The following ADGRA3 variants were observed in gnomAD, a reference collection of about 807,000 sequenced individuals.
ADGRA3 encodes the protein adhesion G protein-coupled receptor A3, also known as G-protein coupled receptor 125.
In ADGRA3, 56 loss-of-function variants were observed where a neutral mutation model predicts 119.8. That is an observed-to-expected ratio of 0.47 (90% CI 0.38 to 0.58). The LOEUF (loss-of-function observed/expected upper bound fraction) is 0.58, where lower values mean the gene tolerates loss of function less well. ADGRA3 is among the 20% of genes least tolerant of loss of function. ADGRA3 has a pLI of 0.00. For missense variants in ADGRA3, 1,516 were observed against 1,649.0 expected, an observed-to-expected ratio of 0.92 and a Z score of 1.40; for synonymous variants, 607 against 623.8, an observed-to-expected ratio of 0.97 and a Z score of 0.40.
chr4:22,454,901 T>G lies in ADGRA3; in HGVS notation c.438A>C (p.Ala146=). 1.2e-6 allele frequency: 2 copies of G among 1,613,848 alleles called. No individual in the cohort carries two copies. The highest frequency in any genetic ancestry group is 8.5e-7 in the Non-Finnish European group (1 of 1,179,746). Residue 146 remains alanine, a synonymous_variant, in exon 4 of 19, where the codon GCA becomes GCC. Coordinates refer to ENST00000334304, the MANE Select transcript of ADGRA3 (RefSeq NM_145290.4). The part of the protein sequence containing the change: ...LTNNRIGCLN[A]DIFRGLTNLV... ...GATTGGTGAGTCCTCGAAATATGTCTGCATTCAGACATCCTATTCGATTGT... is the reference window on the plus strand; with the variant it reads ...GATTGGTGAGTCCTCGAAATATGTCGGCATTCAGACATCCTATTCGATTGT...
At chr4:22,438,991 T>C (rs1716507373) in intron 7 of ADGRA3, among the ~76,000 whole-genome samples, 1 of 151,804 alleles carries the variant, frequency 6.6e-6, no homozygotes, top group Admixed American at 6.6e-5. Context: ...ACAGAGCAAG[T>C]CTCTGTTTCA....
In ADGRA3 at chr4:22,390,373, TATATATAATACGTATTATA is replaced by T. The variant is rs1560292258; in HGVS notation, c.2628-1209_2628-1191del. ...TTATATATATATAATACGTATTATA[TATATATAATACGTATTATA>T]TATATATATAAAATACGTATTATAT... On this transcript the variant is annotated intron_variant, in intron 17 of 18. Transcript: ENST00000334304. Among the ~76,000 whole-genome samples, 61 of 31,304 alleles carry T rather than the reference TATATATAATACGTATTATA, an allele frequency of 1.9e-3. 6 individuals are homozygous for T. The highest frequency in any genetic ancestry group is 2.8e-3 in the African/African-American group (57 of 20,294). The allele number at this position is 31,304 out of a possible 152,430, so 20.5% of individuals were successfully genotyped here. A position where few individuals can be genotyped will look rare whatever the true frequency, so the allele number is the denominator to read the frequency against.
At chr4:22,471,897 G>A (rs547025763) in intron 2 of ADGRA3, among the ~76,000 whole-genome samples, 9 of 152,262 alleles carry the variant, frequency 5.9e-5, no homozygotes, top group African/African-American at 1.9e-4. Flanking sequence ...AACATGTACA[G>A]AGATTTGTTA....
chr4:22,420,586 A>T, intron 12 of ADGRA3: 1 of 452,080 alleles, frequency 2.2e-6, no homozygotes, highest in Non-Finnish European at 3.9e-6. Context: ...CTTTTAAGTC[A>T]AATAAGATTT....
intron 16 of ADGRA3, 81 bp downstream of exon 16, chr4:22,401,350 T>G: frequency 7.9e-7 from 1 of 1,261,646 alleles, no homozygotes; most frequent in East Asian, 2.5e-5. Context: ...TATTAAAGAA[T>G]GATTTTTTCT....
rs1172049670 is a variant in ADGRA3 at position 22,388,268 on chromosome 4, TGGA to T, written c.3400_3402del (p.Ser1134del). On this transcript the variant is annotated inframe_deletion, in exon 19 of 19. Coordinates refer to ENST00000334304, the MANE Select transcript of ADGRA3 (RefSeq NM_145290.4). ...GTCAGACTATTATCAAGCTGAGGGG[TGGA>T]GTTCAAAGGTAAAGAATTGGCATGG... 1 of 1,613,896 alleles carries T rather than the reference TGGA, an allele frequency of 6.2e-7. No homozygotes were observed. The highest frequency in any genetic ancestry group is 1.7e-5 in the Admixed American group (1 of 59,992).
chr4:22,506,773 A>G (rs2109180705), intron 1 of ADGRA3, among the ~76,000 whole-genome samples: 1 of 152,258 alleles, frequency 6.6e-6, no homozygotes, highest in East Asian at 1.9e-4. Flanking sequence ...CTTGGGAGGA[A>G]TAGTGTACTT....
intron 3 of ADGRA3, among the ~76,000 whole-genome samples, chr4:22,458,341 C>T (rs1457505483): frequency 6.6e-6 from 1 of 152,178 alleles, no homozygotes; most frequent in Admixed American, 6.5e-5. Flanking sequence ...GGAGGTGCAG[C>T]CTGTTTACGG....
chr4:22,392,399 G>A (rs909754330), intron 17 of ADGRA3, 146 bp downstream of exon 17: 2 of 836,628 alleles, frequency 2.4e-6, no homozygotes, highest in Non-Finnish European at 3.8e-6. Context: ...CGGGAAGGAT[G>A]CCTGAGCCAT....
chr4:22,491,033 A>T (rs1381457609), intron 1 of ADGRA3, among the ~76,000 whole-genome samples: 2 of 152,186 alleles, frequency 1.3e-5, no homozygotes, highest in Non-Finnish European at 2.9e-5. Flanking sequence ...AGTGGTCAGA[A>T]AAAGACAGGC....
At chr4:22,502,356 A>G (rs1486126162) in intron 1 of ADGRA3, among the ~76,000 whole-genome samples, 2 of 152,220 alleles carry the variant, frequency 1.3e-5, no homozygotes, top group East Asian at 3.9e-4. Flanking sequence ...ATGGGACAGA[A>G]GATGGCGGTA....
intron 1 of ADGRA3, among the ~76,000 whole-genome samples, chr4:22,476,841 A>T: frequency 6.6e-6 from 1 of 151,800 alleles, no homozygotes; most frequent in Non-Finnish European, 1.5e-5. Context: ...TAATTTTTGT[A>T]TTTTTAGTAG....
intron 6 of ADGRA3, 57 bp from the exon 7 acceptor site, chr4:22,442,920 T>C: frequency 7.8e-7 from 1 of 1,275,174 alleles, no homozygotes; most frequent in Admixed American, 1.9e-5. Flanking sequence ...ACACCATAAT[T>C]AAAAGTTACA....
In ADGRA3 at chr4:22,388,312, G is replaced by A. The variant is rs764835658; in HGVS notation, c.3359C>T (p.Ala1120Val). Residue 1120 changes from alanine to valine, a missense_variant, in exon 19 of 19, where the codon GCG (alanine) becomes GTG (valine). Transcript: ENST00000334304. ...SQGCKLTNLQ[A>V]AAAQCHANSL... ...ATTGGCATGGCACTGAGCTGCAGCC[G>A]CCTGCAAGTTTGTTAATTTGCAGCC... 7.4e-5 allele frequency: 120 copies of A among 1,613,912 alleles called. No homozygotes were observed. The highest frequency in any genetic ancestry group is 9.7e-5 in the Non-Finnish European group (115 of 1,180,000).
chr4:22,448,991 C>T (rs964166865), intron 4 of ADGRA3, among the ~76,000 whole-genome samples: 10 of 152,062 alleles, frequency 6.6e-5, no homozygotes, highest in Non-Finnish European at 5.9e-5. Flanking sequence ...TCATTTTGGC[C>T]GGGTGCAGTG....
At chr4:22,492,345 G>C (rs897927011) in intron 1 of ADGRA3, among the ~76,000 whole-genome samples, 8 of 152,136 alleles carry the variant, frequency 5.3e-5, no homozygotes, top group African/African-American at 1.9e-4. Context: ...TTAATAGTTT[G>C]CACAATGGTT....
intron 17 of ADGRA3, among the ~76,000 whole-genome samples, chr4:22,391,595 GA>G (rs1714137718): frequency 6.6e-6 from 1 of 152,072 alleles, no homozygotes; most frequent in Non-Finnish European, 1.5e-5. Flanking sequence ...TAGGAATTCT[GA>G]TTTATACTCC....
In ADGRA3 at chr4:22,491,599, C is replaced by T. The variant is rs547846569; in HGVS notation, c.258-17756G>A. Among the ~76,000 whole-genome samples, 220 of 152,240 alleles carry T rather than the reference C, an allele frequency of 1.4e-3. 1 individual carries two copies. The highest frequency in any genetic ancestry group is 5.2e-3 in the African/African-American group (214 of 41,532). ...TCAAACCCCTCTCTTCCAACATCCA[C>T]CAAGTGATATCTGATCATCCCGTAC... is the stretch of plus-strand genomic sequence containing the variant. On this transcript the variant is annotated intron_variant, in intron 1 of 18. Transcript: ENST00000334304.
intron 2 of ADGRA3, among the ~76,000 whole-genome samples, chr4:22,469,021 A>G (rs199769399): frequency 3.9e-5 from 6 of 152,256 alleles, no homozygotes; most frequent in South Asian, 2.1e-4. Flanking sequence ...TATGAGACCT[A>G]TAAGATCAAG....
Sources: allele counts gnomAD v4.1 joint callset (sites outside exome capture counted in the v4.1 genomes callset), GRCh38; gene constraint gnomAD v4.1.1; transcripts MANE v1.5; gene names NCBI Gene and HGNC (gene_info 2026-07-23, HGNC 2026-07-21).